The following PCGF5 variants were observed in gnomAD, a reference collection of about 807,000 sequenced individuals.
The protein encoded by PCGF5 is polycomb group ring finger 5.
In PCGF5, 9 loss-of-function variants were observed where a neutral mutation model predicts 44.3. The ratio of observed to expected loss-of-function variants is 0.20; its 90% CI spans 0.12 to 0.35. PCGF5 has a LOEUF of 0.35. Ranked by LOEUF, PCGF5 falls within the 10% of genes least tolerant of loss-of-function variation. The pLI is 1.00. For synonymous variants in PCGF5, 95 were observed against 102.5 expected, an observed-to-expected ratio of 0.93 and a Z score of 0.44; for missense variants, 146 against 305.3, an observed-to-expected ratio of 0.48 and a Z score of 3.89.
At chr10:91,238,436 G>A (rs1162197286) in intron 2 of PCGF5, among the ~76,000 whole-genome samples, 1 of 152,078 alleles carries the variant, frequency 6.6e-6, no homozygotes, top group Non-Finnish European at 1.5e-5. Context: ...GTGAGGACTT[G>A]TTCTGGGCAT....
intron 1 of PCGF5, among the ~76,000 whole-genome samples, chr10:91,184,175 T>A (rs543408554): frequency 1.3e-5 from 2 of 152,298 alleles, no homozygotes; most frequent in African/African-American, 4.8e-5. Context: ...GGTTCCATTC[T>A]CCTCATCTCT....
chr10:91,220,665 CG>C lies in PCGF5; in HGVS notation c.-352del, dbSNP rs1321550580. 6.6e-6 allele frequency: 1 copy of C among 151,476 alleles called. No homozygotes were observed. Among genetic ancestry groups the C allele is most frequent in the Non-Finnish European group, 1.5e-5 (1 of 67,772 alleles). The allele number at this position is 151,476 out of a possible 1,614,324, so 9.4% of individuals were successfully genotyped here. ...GGCCCCGAGGCCCGCCGCGCCCTGT[CG>C]GGCCTGAGCCGAGTGGCCCCACAGA... On this transcript the variant is annotated 5_prime_UTR_variant, in exon 1 of 10. Coordinates refer to ENST00000336126, the MANE Select transcript of PCGF5 (RefSeq NM_032373.5).
At chr10:91,181,568 A>G (rs1230848365) in intron 1 of PCGF5, among the ~76,000 whole-genome samples, 1 of 152,174 alleles carries the variant, frequency 6.6e-6, no homozygotes, top group South Asian at 2.1e-4. Flanking sequence ...TTAAACATGA[A>G]TGGATGTTGA....
chr10:91,197,380 C>T lies in PCGF5; in HGVS notation c.-183-25309C>T, dbSNP rs180760378. On this transcript the variant is annotated intron_variant, in intron 1 of 9. Transcript: ENST00000614189. ...TATTTTCTGAGGATGGCTGCACAGA[C>T]GTATATCTTTGGAAAATAAAATCTC... Among the ~76,000 whole-genome samples the T allele has an allele frequency of 4.4e-4, 67 of 152,256 alleles. No individual in the cohort carries two copies. In the East Asian group the frequency reaches 9.6e-3, roughly 22 times the overall value.
rs527993713 is a variant in PCGF5 at position 91,180,964 on chromosome 10, G to A, written c.-184+17883G>A. On this transcript the variant is annotated intron_variant, in intron 1 of 9. Coordinates refer to the PCGF5 transcript ENST00000614189. Reference sequence around the variant, plus strand: ...GCAGTATGGCCATTTTCACAATATTGATTCTTCCTATCTATGAGCATGGAA... The same window carrying A: ...GCAGTATGGCCATTTTCACAATATTAATTCTTCCTATCTATGAGCATGGAA... Among the ~76,000 whole-genome samples, 28 of 152,270 alleles carry A rather than the reference G, an allele frequency of 1.8e-4. No homozygotes were observed. The South Asian group carries it at 5.6e-3, about 30-fold the overall frequency.
rs1049700613 is a variant in PCGF5, at chr10:91,283,208, T to C, written c.*4892T>C. 5.3e-5 allele frequency: 8 copies of C among 152,242 alleles called. No individual in the cohort carries two copies. The highest frequency in any genetic ancestry group is 1.9e-4 in the East Asian group (1 of 5,196). The allele number at this position is 152,242 out of a possible 1,614,324, so 9.4% of individuals were successfully genotyped here. On this transcript the variant is annotated 3_prime_UTR_variant, in exon 10 of 10. Transcript: ENST00000336126. ...TAATACAGTTTTCATAAATAATGTT[T>C]ACTTGCTTTCTTTATATTTTCAAAT... is the stretch of plus-strand genomic sequence containing the variant.
intron 9 of PCGF5, among the ~76,000 whole-genome samples, chr10:91,275,524 T>C (rs529522599): frequency 1.3e-5 from 2 of 151,798 alleles, no homozygotes; most frequent in East Asian, 3.9e-4. Flanking sequence ...CATTGCAGCC[T>C]CCGTCTCCCA....
intron 2 of PCGF5, among the ~76,000 whole-genome samples, chr10:91,238,628 T>TC (rs1564645094): frequency 6.3e-5 from 8 of 126,650 alleles, no homozygotes; most frequent in African/African-American, 1.9e-4. Flanking sequence ...TTTTTTTTTT[T>TC]TTTGCCTCTT....
intron 9 of PCGF5, among the ~76,000 whole-genome samples, chr10:91,275,531 C>T (rs1401650249): frequency 2.0e-5 from 3 of 151,480 alleles, no homozygotes; most frequent in African/African-American, 4.8e-5. Flanking sequence ...GCCTCCGTCT[C>T]CCAGGTTCAA....
At chr10:91,201,723 C>CT (rs759618961) in intron 1 of PCGF5, among the ~76,000 whole-genome samples, 2,392 of 136,916 alleles carry the variant, frequency 0.017, 38 homozygotes, top group African/African-American at 0.041. Flanking sequence ...TCCAGAAAAC[C>CT]TTTTTTTTTT....
chr10:91,204,916 A>G (rs1045295805), intron 1 of PCGF5, among the ~76,000 whole-genome samples: 3 of 152,380 alleles, frequency 2.0e-5, no homozygotes, highest in African/African-American at 7.2e-5. Context: ...TCTTTCTCAT[A>G]AAATACCAGA....
chr10:91,223,208 A>C (rs988507426), intron 2 of PCGF5, among the ~76,000 whole-genome samples: 1 of 152,212 alleles, frequency 6.6e-6, no homozygotes, highest in African/African-American at 2.4e-5. Context: ...ACATTGTAAA[A>C]TATTCTAAAA....
chr10:91,163,576 G>A (rs1446484999), intron 1 of PCGF5, among the ~76,000 whole-genome samples: 1 of 152,074 alleles, frequency 6.6e-6, no homozygotes, highest in African/African-American at 2.4e-5. Context: ...GCCGGCAGCC[G>A]CGCGCCCCGG....
upstream of PCGF5, among the ~76,000 whole-genome samples, chr10:91,159,073 T>C (rs1462931469): frequency 1.3e-5 from 2 of 152,142 alleles, no homozygotes; most frequent in Non-Finnish European, 2.9e-5. Flanking sequence ...GAAAGATAAC[T>C]GAGCACTTCT....
Position 91,267,571 on chromosome 10 carries a change from A to C in PCGF5, c.663+3051A>C, listed in dbSNP as rs184549185. ...TTATGCAAAATATATCCTACAGATAATTTTTATTTATCTGAATCTCAGCTT... is the reference window on the plus strand; with the variant it reads ...TTATGCAAAATATATCCTACAGATACTTTTTATTTATCTGAATCTCAGCTT... On this transcript the variant is annotated intron_variant, in intron 8 of 9. Transcript: ENST00000336126. 2.8e-4 allele frequency among the ~76,000 whole-genome samples: 42 copies of C among 152,332 alleles called. No homozygotes were observed. In the East Asian group the frequency reaches 5.4e-3, roughly 20 times the overall value.
chr10:91,260,731 G>A (rs1307716828), intron 6 of PCGF5, among the ~76,000 whole-genome samples: 1 of 146,288 alleles, frequency 6.8e-6, no homozygotes, highest in African/African-American at 2.5e-5. Context: ...AACACCGCAT[G>A]TTCTCACTCA....
chr10:91,276,999 A>G (rs572522122), intron 9 of PCGF5, among the ~76,000 whole-genome samples: 12 of 152,354 alleles, frequency 7.9e-5, no homozygotes, highest in African/African-American at 9.6e-5. Flanking sequence ...AAATAAAAAC[A>G]AGTAAAACCA....
At chr10:91,174,691 A>G (rs573181680) in intron 1 of PCGF5, among the ~76,000 whole-genome samples, 1 of 152,362 alleles carries the variant, frequency 6.6e-6, no homozygotes, top group Admixed American at 6.5e-5. Context: ...TAATTGGGAA[A>G]GTATCTTATC....
At chr10:91,220,939 C>G (rs1462432814) in intron 1 of PCGF5, 103 bp downstream of exon 1, 3 of 152,358 alleles carry the variant, frequency 2.0e-5, no homozygotes, top group African/African-American at 7.2e-5. Context: ...CCTGGCCGGC[C>G]CAGCCTGGAG....
Sources: allele counts gnomAD v4.1 joint callset (sites outside exome capture counted in the v4.1 genomes callset), GRCh38; gene constraint gnomAD v4.1.1; transcripts MANE v1.5; gene names NCBI Gene and HGNC (gene_info 2026-07-23, HGNC 2026-07-21).